Variants in IL13RA1 observed in about 807,000 individuals in gnomAD.
IL13RA1 encodes the protein interleukin-13 receptor subunit alpha-1.
IL13RA1 carries 14 observed loss-of-function variants against 33.8 expected under a neutral mutation model. The observed-to-expected ratio is 0.41, with a 90% CI of 0.27 to 0.65. The LOEUF is 0.65. Ranked by LOEUF, IL13RA1 falls within the 30% of genes least tolerant of loss-of-function variation. The pLI is 0.28. For synonymous variants in IL13RA1, 116 were observed against 115.7 expected, an observed-to-expected ratio of 1.00 and a Z score of -0.02; for missense variants, 313 against 327.0, an observed-to-expected ratio of 0.96 and a Z score of 0.33.
chrX:118,765,023 C>A (rs1366778015), intron 6 of IL13RA1, among the ~76,000 whole-genome samples: 1 of 112,015 alleles, frequency 8.9e-6, no homozygotes, highest in African/African-American at 3.2e-5. Flanking sequence ...AGCAGCTACT[C>A]TCCTGGCTTC....
intron 10 of IL13RA1, among the ~76,000 whole-genome samples, chrX:118,788,557 A>G (rs2255263): frequency 0.17 from 18,644 of 111,242 alleles, 1,453 homozygotes; most frequent in East Asian, 0.43. Flanking sequence ...CACAGAGACT[A>G]TATGGCCCCC....
intron 10 of IL13RA1, among the ~76,000 whole-genome samples, chrX:118,781,958 A>C (rs2017848284): frequency 8.9e-6 from 1 of 112,534 alleles, no homozygotes; most frequent in African/African-American, 3.2e-5. Context: ...CACCTTGTCA[A>C]GTCTTCAGCT....
At chrX:118,798,336 A>G (rs182028527), downstream of IL13RA1, among the ~76,000 whole-genome samples, 15 of 109,356 alleles carry the variant, frequency 1.4e-4, no homozygotes, top group Non-Finnish European at 2.7e-4. Flanking sequence ...TTTTTTATGT[A>G]CCTGTCATGA....
intron 2 of IL13RA1, among the ~76,000 whole-genome samples, chrX:118,744,203 G>A (rs776333671): frequency 2.2e-4 from 24 of 110,950 alleles, no homozygotes; most frequent in Non-Finnish European, 3.8e-4. Context: ...ACAGAGAGGT[G>A]TACTTGACTT....
At chrX:118,779,201 T>C (rs1227068300) in intron 10 of IL13RA1, among the ~76,000 whole-genome samples, 1 of 111,637 alleles carries the variant, frequency 9.0e-6, no homozygotes, top group Non-Finnish European at 1.9e-5. Flanking sequence ...ATGATAGATA[T>C]CCTTTCTGGA....
At chrX:118,759,226 C>T (rs2017566047) in intron 5 of IL13RA1, among the ~76,000 whole-genome samples, 2 of 111,931 alleles carry the variant, frequency 1.8e-5, no homozygotes, top group Admixed American at 9.5e-5. Context: ...GGTTCTAACT[C>T]CTTCACTTTG....
chrX:118,748,048 A>C (rs1443407310), intron 3 of IL13RA1, among the ~76,000 whole-genome samples: 1 of 91,413 alleles, frequency 1.1e-5, no homozygotes, highest in African/African-American at 3.8e-5. Context: ...TACACACACA[A>C]AAAACATATA....
intron 4 of IL13RA1, among the ~76,000 whole-genome samples, chrX:118,755,985 A>T (rs972521408): frequency 1.2e-4 from 13 of 111,452 alleles, no homozygotes; most frequent in African/African-American, 4.2e-4. Context: ...GCAGCCTTTG[A>T]AGGAATAAAT....
intron 5 of IL13RA1, 121 bp downstream of exon 5, chrX:118,758,363 A>G (rs2017556793): frequency 2.7e-6 from 1 of 370,471 alleles, no homozygotes; most frequent in Non-Finnish European, 4.8e-6. Flanking sequence ...AGAAGGGACT[A>G]TATTGATGTA....
intron 10 of IL13RA1, among the ~76,000 whole-genome samples, chrX:118,788,438 G>A (rs1477460648): frequency 3.6e-5 from 4 of 111,796 alleles, no homozygotes; most frequent in Non-Finnish European, 7.5e-5. Flanking sequence ...CTATTTCATG[G>A]CACATGAAAT....
rs745717713 is a variant in IL13RA1 at position 118,772,326 on chromosome X, G to A, written c.1010-1553G>A. Among the ~76,000 whole-genome samples the A allele has an allele frequency of 6.3e-4, 71 of 112,491 alleles. No individual in the cohort carries two copies. The South Asian group carries it at 0.015, about 24-fold the overall frequency. Reference sequence around the variant, plus strand: ...GGCTTCATTCATACCTTTTCTCTTGGATCTGGAAAAAATTTTTTTATGTTT... The same window carrying A: ...GGCTTCATTCATACCTTTTCTCTTGAATCTGGAAAAAATTTTTTTATGTTT... On this transcript the variant is annotated intron_variant, in intron 8 of 10. Transcript: ENST00000371666.
At chrX:118,757,004 G>A (rs5956081) in intron 4 of IL13RA1, among the ~76,000 whole-genome samples, 6,982 of 110,966 alleles carry the variant, frequency 0.063, 571 homozygotes, top group African/African-American at 0.21. Context: ...GGAAGAATGT[G>A]AGTAGTCCTC....
At chrX:118,772,875 C>T (rs901533054) in intron 8 of IL13RA1, among the ~76,000 whole-genome samples, 24 of 112,314 alleles carry the variant, frequency 2.1e-4, no homozygotes, top group Non-Finnish European at 3.0e-4. Context: ...TCACTGACAT[C>T]CGTCTCAGAT....
At chrX:118,794,552 G>A (rs904478472), downstream of IL13RA1, 1 of 111,983 alleles carries the variant, frequency 8.9e-6, no homozygotes, top group Non-Finnish European at 1.9e-5. Context: ...TTTTCCTTTG[G>A]TCTTATTTTG....
downstream of IL13RA1, among the ~76,000 whole-genome samples, chrX:118,799,379 G>A (rs1213564645): frequency 8.8e-6 from 1 of 113,385 alleles, no homozygotes; most frequent in Non-Finnish European, 1.9e-5. Context: ...TCCACCTGCA[G>A]CCCCTGTGCG....
At chrX:118,790,473 TG>T (rs2017963785) in intron 10 of IL13RA1, among the ~76,000 whole-genome samples, 1 of 112,111 alleles carries the variant, frequency 8.9e-6, no homozygotes, top group Non-Finnish European at 1.9e-5. Flanking sequence ...TTGTGTGACA[TG>T]TTTTCATTTC....
intron 3 of IL13RA1, among the ~76,000 whole-genome samples, chrX:118,748,622 G>A (rs1324649316): frequency 9.1e-6 from 1 of 110,352 alleles, no homozygotes; most frequent in Admixed American, 9.8e-5. Flanking sequence ...CTCCAGTCTG[G>A]GTGACAGAGC....
At chrX:118,781,913 C>G (rs751980724) in intron 10 of IL13RA1, among the ~76,000 whole-genome samples, 10 of 111,763 alleles carry the variant, frequency 8.9e-5, no homozygotes, top group African/African-American at 3.3e-4. Flanking sequence ...TTCCCCATTG[C>G]TTCAACACAG....
chrX:118,771,834 C>T (rs2017724803), intron 8 of IL13RA1, among the ~76,000 whole-genome samples: 1 of 111,209 alleles, frequency 9.0e-6, no homozygotes, highest in Non-Finnish European at 1.9e-5. Context: ...ATAAGCTGGG[C>T]ATGGTGGCAG....
Sources: gnomAD v4.1 joint callset for allele counts (sites outside exome capture counted in the v4.1 genomes callset) on GRCh38, gnomAD v4.1.1 for gene constraint, MANE v1.5 for transcripts, NCBI Gene and HGNC (gene_info 2026-07-23, HGNC 2026-07-21) for gene names.